Variants in NUP107 observed in about 807,000 individuals in gnomAD.
NUP107 encodes the protein nuclear pore complex protein Nup107.
Under a neutral mutation model 141.0 loss-of-function variants are expected in NUP107, and 101 were observed. The ratio of observed to expected loss-of-function variants is 0.72; its 90% CI spans 0.61 to 0.84. NUP107 has a LOEUF of 0.84. NUP107 is among the 40% of genes least tolerant of loss of function. NUP107 has a pLI of 0.00. For synonymous variants in NUP107, 319 were observed against 363.9 expected, an observed-to-expected ratio of 0.88 and a Z score of 1.41; for missense variants, 941 against 1,102.7, an observed-to-expected ratio of 0.85 and a Z score of 2.08.
At chr12:68,729,925 T>C (rs961454404) in intron 20 of NUP107, among the ~76,000 whole-genome samples, 5 of 150,910 alleles carry the variant, frequency 3.3e-5, no homozygotes, top group Non-Finnish European at 7.4e-5. Context: ...TTGTCACAAA[T>C]CTCCAAAAAA....
intron 5 of NUP107, among the ~76,000 whole-genome samples, chr12:68,695,681 C>G (rs921114150): frequency 5.3e-5 from 8 of 152,118 alleles, no homozygotes; most frequent in African/African-American, 1.9e-4. Flanking sequence ...TGAAATAGTT[C>G]TGTGGATACA....
chr12:68,691,892 T>A, intron 4 of NUP107, 76 bp from the exon 5 acceptor site: 1 of 1,252,734 alleles, frequency 8.0e-7, no homozygotes, highest in African/African-American at 1.5e-5. Context: ...GAAACCTTAT[T>A]TGTTTTTAAA....
At chr12:68,700,318 T>TA (rs1346394822) in intron 6 of NUP107, among the ~76,000 whole-genome samples, 1 of 152,236 alleles carries the variant, frequency 6.6e-6, no homozygotes, top group African/African-American at 2.4e-5. Context: ...CTTGATTAGT[T>TA]ACCTGATATA....
At chr12:68,688,878 C>A in intron 1 of NUP107, 84 bp from the exon 2 acceptor site, 1 of 977,354 alleles carries the variant, frequency 1.0e-6, no homozygotes, top group Admixed American at 2.2e-5. Context: ...TACTCAGGGT[C>A]CTTTACTCCA....
At position 68,709,305 on chromosome 12, in the gene NUP107, G is replaced by A. The variant is rs753041203; in HGVS notation, c.797G>A (p.Ser266Asn). ...LFQRDSLVRQSQLVVDWLESI... is the reference protein window; with the variant it reads ...LFQRDSLVRQNQLVVDWLESI... Reference sequence around the variant, plus strand: ...CAGAGGGATTCACTTGTTCGACAAAGTCAGGTATGACTAGAATTTAAAATT... The same window carrying A: ...CAGAGGGATTCACTTGTTCGACAAAATCAGGTATGACTAGAATTTAAAATT... Residue 266 changes from serine (S) to asparagine (N), a missense_variant, in exon 9 of 28, where the codon AGT becomes AAT. Physicochemically the swap from Ser to Asn is conservative, Grantham distance 46. Transcript: ENST00000229179. The A allele has an allele frequency of 6.3e-7, 1 of 1,593,710 alleles. No homozygotes were observed. The highest frequency in any genetic ancestry group is 1.8e-5 in the Admixed American group (1 of 55,726).
intron 26 of NUP107, among the ~76,000 whole-genome samples, chr12:68,737,828 A>T (rs1878141897): frequency 6.6e-6 from 1 of 152,152 alleles, no homozygotes; most frequent in South Asian, 2.1e-4. Context: ...AACACGTGTC[A>T]CTTGTATGTG....
rs899479755 is a variant in NUP107, at chr12:68,741,919, A to T, written c.2609A>T (p.Gln870Leu). 3.7e-6 allele frequency: 6 copies of T among 1,612,108 alleles called. No homozygotes were observed. The African/African-American group carries it at 8.0e-5, about 22-fold the overall frequency. ...LLHTILHSTG[Q>L]YQECLQLADM... is the part of the protein sequence containing the mutation. ...CATACGATATTGCACAGTACTGGTC[A>T]GTATCAGGAATGCCTACAGTTAGCA... Residue 870 changes from glutamine (Q) to leucine (L), a missense_variant, in exon 27 of 28, where the codon CAG becomes CTG. Transcript: ENST00000229179.
At chr12:68,706,261 G>A in intron 8 of NUP107, 1 of 779,692 alleles carries the variant, frequency 1.3e-6, no homozygotes. Flanking sequence ...ACAAGGTAGA[G>A]CTGGAGTCTC....
intron 8 of NUP107, among the ~76,000 whole-genome samples, chr12:68,704,049 G>C (rs909304317): frequency 6.6e-5 from 10 of 152,078 alleles, no homozygotes; most frequent in African/African-American, 9.7e-5. Context: ...ACTCTAGCCT[G>C]GGCAACAGAG....
At chr12:68,689,165 A>G (rs1875653773) in intron 2 of NUP107, 112 bp downstream of exon 2, 2 of 768,266 alleles carry the variant, frequency 2.6e-6, no homozygotes, top group Non-Finnish European at 4.0e-6. Context: ...AAAATCCTGT[A>G]GAAACTTTTT....
At chr12:68,711,977 C>A (rs1355415156) in intron 10 of NUP107, among the ~76,000 whole-genome samples, 1 of 152,132 alleles carries the variant, frequency 6.6e-6, no homozygotes, top group East Asian at 1.9e-4. Context: ...GTCAAGAAGA[C>A]ACTTCTGTCC....
intron 24 of NUP107, 108 bp from the exon 25 acceptor site, chr12:68,734,600 G>C: frequency 1.2e-6 from 1 of 851,392 alleles, no homozygotes; most frequent in Non-Finnish European, 1.8e-6. Flanking sequence ...TTTATTTCTT[G>C]ATGCTGCAAA....
intron 3 of NUP107, chr12:68,689,832 C>T (rs912632200): frequency 2.2e-6 from 1 of 461,838 alleles, no homozygotes; most frequent in Admixed American, 4.1e-5. Flanking sequence ...ATTGTTGGCC[C>T]TGTTTTACCA....
chr12:68,740,923 G>A (rs1878295432), intron 26 of NUP107, among the ~76,000 whole-genome samples: 1 of 151,496 alleles, frequency 6.6e-6, no homozygotes, highest in South Asian at 2.1e-4. Flanking sequence ...GCACATGCCT[G>A]TGGTTCTTAG....
At position 68,744,275 on chromosome 12, in the gene NUP107, G is replaced by A. The variant is rs938400872; in HGVS notation, c.*1813G>A. 7 of 151,996 alleles carry A rather than the reference G, an allele frequency of 4.6e-5. No individual in the cohort carries two copies. The highest frequency in any genetic ancestry group is 8.8e-5 in the Non-Finnish European group (6 of 67,990). The allele number at this position is 151,996 out of a possible 1,614,324, so 9.4% of individuals were successfully genotyped here. On this transcript the variant is annotated 3_prime_UTR_variant, in exon 28 of 28. Coordinates refer to ENST00000229179, the MANE Select transcript of NUP107 (RefSeq NM_020401.4). The stretch of plus-strand genomic sequence containing the variant: ...TTTTGTTGTGCCTTGTTTTTTGAAT[G>A]TCCTTTAAAAAACACAGCACAGAAA...
rs1878488829 is a variant in NUP107, at chr12:68,745,441, GA to G, written c.*2981del. Reference sequence around the variant, plus strand: ...GACTTAAGGAGGAAGGAGAAAGGAAGAACCTGACTTCTGTGTGAAGGACCTT... The same window carrying G: ...GACTTAAGGAGGAAGGAGAAAGGAAGACCTGACTTCTGTGTGAAGGACCTT... On this transcript the variant is annotated 3_prime_UTR_variant, in exon 28 of 28. Transcript: ENST00000229179. The G allele has an allele frequency of 6.6e-6, 1 of 152,182 alleles. No individual in the cohort carries two copies. Among genetic ancestry groups the G allele is most frequent in the Non-Finnish European group, 1.5e-5 (1 of 68,036 alleles). The allele number at this position is 152,182 out of a possible 1,614,324, so 9.4% of individuals were successfully genotyped here.
chr12:68,729,015 T>C (rs1877697232), intron 20 of NUP107, among the ~76,000 whole-genome samples: 1 of 152,160 alleles, frequency 6.6e-6, no homozygotes, highest in African/African-American at 2.4e-5. Context: ...TTTGTATGGC[T>C]CCTGTGGTGT....
intron 16 of NUP107, 47 bp from the exon 17 acceptor site, chr12:68,722,057 T>G (rs754751023): frequency 6.2e-7 from 1 of 1,609,714 alleles, no homozygotes; most frequent in Admixed American, 1.7e-5. Flanking sequence ...TTTACACCCC[T>G]TTTTCATATT....
intron 4 of NUP107, among the ~76,000 whole-genome samples, chr12:68,691,743 A>G (rs1282614071): frequency 1.3e-5 from 2 of 151,962 alleles, no homozygotes; most frequent in Non-Finnish European, 2.9e-5. Context: ...CTGAAGTGGG[A>G]AGATGGCTTG....
Sources: gnomAD v4.1 joint callset for allele counts (sites outside exome capture counted in the v4.1 genomes callset) on GRCh38, gnomAD v4.1.1 for gene constraint, MANE v1.5 for transcripts, NCBI Gene and HGNC (gene_info 2026-07-23, HGNC 2026-07-21) for gene names.